ATRNL1: variants seen among roughly 807,000 people sequenced by gnomAD.
ATRNL1 encodes attractin-like protein 1.
A neutral mutation model predicts 182.7 loss-of-function variants in ATRNL1; 95 were observed. The observed-to-expected ratio is 0.52, with a 90% CI of 0.44 to 0.62. ATRNL1 has a LOEUF of 0.62. Ranked by LOEUF, ATRNL1 falls within the 20% of genes least tolerant of loss-of-function variation. The probability of loss-of-function intolerance (pLI) is 0.00; values close to 1 mark genes in which losing one functional copy is unlikely to be tolerated. For synonymous variants in ATRNL1, 576 were observed against 568.3 expected, an observed-to-expected ratio of 1.01 and a Z score of -0.19; for missense variants, 1,471 against 1,679.5, an observed-to-expected ratio of 0.88 and a Z score of 2.17.
At chr10:115,754,137 A>G (rs1446683533) in intron 27 of ATRNL1, among the ~76,000 whole-genome samples, 1 of 152,164 alleles carries the variant, frequency 6.6e-6, no homozygotes, top group Non-Finnish European at 1.5e-5. Flanking sequence ...GCTCACTCTG[A>G]TGATAGTTTC....
chr10:115,485,906 C>A (rs1162410071), intron 24 of ATRNL1, among the ~76,000 whole-genome samples: 3 of 151,066 alleles, frequency 2.0e-5, no homozygotes, highest in Non-Finnish European at 2.9e-5. Flanking sequence ...CCCCCACCCC[C>A]CAATAGGCCC....
At chr10:115,341,408 A>G (rs1263770193) in intron 19 of ATRNL1, among the ~76,000 whole-genome samples, 2 of 152,052 alleles carry the variant, frequency 1.3e-5, no homozygotes, top group African/African-American at 2.4e-5. Flanking sequence ...ATGTTTTACA[A>G]CTTGCTTTGT....
At chr10:115,659,331 C>A (rs1445824547) in intron 26 of ATRNL1, among the ~76,000 whole-genome samples, 1 of 152,104 alleles carries the variant, frequency 6.6e-6, no homozygotes, top group African/African-American at 2.4e-5. Context: ...TCCTCTTAGG[C>A]ACTGACTGAT....
chr10:115,595,321 A>T (rs1395970657), intron 26 of ATRNL1, among the ~76,000 whole-genome samples: 1 of 152,086 alleles, frequency 6.6e-6, no homozygotes, highest in African/African-American at 2.4e-5. Flanking sequence ...TCTATATAAA[A>T]TTACGAGTTT....
intron 19 of ATRNL1, among the ~76,000 whole-genome samples, chr10:115,345,337 G>A (rs1247092024): frequency 1.3e-5 from 2 of 152,168 alleles, no homozygotes; most frequent in Admixed American, 6.5e-5. Context: ...TTCTGTAGGC[G>A]GGTGTCCCCT....
chr10:115,426,326 T>G (rs1845887297), intron 21 of ATRNL1, 24 bp downstream of exon 21: 2 of 1,537,776 alleles, frequency 1.3e-6, no homozygotes, highest in Non-Finnish European at 1.8e-6. Flanking sequence ...TATTCTTCAT[T>G]TTAAATAATT....
chr10:115,134,555 G>C (rs55920901), intron 5 of ATRNL1, among the ~76,000 whole-genome samples: 6,432 of 152,076 alleles, frequency 0.042, 187 homozygotes, highest in Non-Finnish European at 0.068. Context: ...AGCTTACCAA[G>C]CAAAAAATGT....
At chr10:115,905,987 G>C (rs1952491445) in intron 28 of ATRNL1, among the ~76,000 whole-genome samples, 1 of 152,166 alleles carries the variant, frequency 6.6e-6, no homozygotes, top group Admixed American at 6.5e-5. Context: ...TTACAACTGT[G>C]CAATGCAGGG....
chr10:115,340,726 G>A (rs1855715704), intron 19 of ATRNL1, among the ~76,000 whole-genome samples: 1 of 150,562 alleles, frequency 6.6e-6, no homozygotes, highest in Non-Finnish European at 1.5e-5. Context: ...GTCTGTTCAG[G>A]TTTTGGATTT....
At chr10:115,385,935 T>G (rs1437827774) in intron 19 of ATRNL1, among the ~76,000 whole-genome samples, 1 of 152,224 alleles carries the variant, frequency 6.6e-6, no homozygotes, top group Non-Finnish European at 1.5e-5. Flanking sequence ...TGGCCTAATG[T>G]CATTACCAAA....
chr10:115,318,992 G>C, intron 18 of ATRNL1, among the ~76,000 whole-genome samples: 1 of 151,950 alleles, frequency 6.6e-6, no homozygotes, highest in Non-Finnish European at 1.5e-5. Context: ...TTAGGGTGTC[G>C]ATTTGAGATC....
At chr10:115,317,504 T>C (rs1352563266) in intron 18 of ATRNL1, among the ~76,000 whole-genome samples, 4 of 152,232 alleles carry the variant, frequency 2.6e-5, no homozygotes, top group Non-Finnish European at 2.9e-5. Flanking sequence ...TTTTACGATA[T>C]TGATTCTTCC....
chr10:115,166,570 G>T (rs1847053663), intron 7 of ATRNL1, among the ~76,000 whole-genome samples: 1 of 151,674 alleles, frequency 6.6e-6, no homozygotes, highest in Non-Finnish European at 1.5e-5. Context: ...GTCAACACTT[G>T]TTATTTTCTG....
intron 19 of ATRNL1, among the ~76,000 whole-genome samples, chr10:115,339,169 C>CT (rs1855626150): frequency 6.6e-6 from 1 of 151,926 alleles, no homozygotes; most frequent in Non-Finnish European, 1.5e-5. Context: ...TCCTTCAGTT[C>CT]TTTTTGCTTT....
rs1191946114 is a variant in ATRNL1, at chr10:115,442,635, C to T, written c.3322+16333C>T. On this transcript the variant is annotated intron_variant, in intron 21 of 28. Coordinates refer to ENST00000355044, the MANE Select transcript of ATRNL1 (RefSeq NM_207303.4). The stretch of plus-strand genomic sequence containing the variant: ...CGGCTGTGTTATCATAAACTATCTA[C>T]AGAAACAGGCTGTGGACCAGATTTG... Among the ~76,000 whole-genome samples, 6 of 152,060 alleles carry T rather than the reference C, an allele frequency of 3.9e-5. No homozygotes were observed. The South Asian group carries it at 1.2e-3, about 31-fold the overall frequency.
intron 26 of ATRNL1, among the ~76,000 whole-genome samples, chr10:115,575,239 C>T (rs1235071165): frequency 6.6e-6 from 1 of 152,094 alleles, no homozygotes; most frequent in Non-Finnish European, 1.5e-5. Context: ...AATGGACCAT[C>T]GACTTTCAAG....
chr10:115,695,154 C>A (rs868936625), intron 26 of ATRNL1, among the ~76,000 whole-genome samples: 2 of 151,928 alleles, frequency 1.3e-5, no homozygotes, highest in Non-Finnish European at 2.9e-5. Context: ...AAGAAAAATT[C>A]AAAACCCTTT....
chr10:115,472,755 GGTT>G (rs1298475517), intron 24 of ATRNL1, among the ~76,000 whole-genome samples: 2 of 150,894 alleles, frequency 1.3e-5, no homozygotes, highest in Admixed American at 6.7e-5. Flanking sequence ...GACTGTCTAG[GGTT>G]TCTTGTGTAT....
intron 27 of ATRNL1, among the ~76,000 whole-genome samples, chr10:115,799,851 A>G (rs1286111541): frequency 6.6e-6 from 1 of 152,212 alleles, no homozygotes; most frequent in Non-Finnish European, 1.5e-5. Flanking sequence ...ATACTCTGCC[A>G]GCCACTTTAC....
Sources: allele counts gnomAD v4.1 joint callset (sites outside exome capture counted in the v4.1 genomes callset), GRCh38; gene constraint gnomAD v4.1.1; transcripts MANE v1.5; gene names NCBI Gene and HGNC (gene_info 2026-07-23, HGNC 2026-07-21).